GPR25: variants seen among roughly 807,000 people sequenced by gnomAD.
The protein encoded by GPR25 is G protein-coupled receptor 25, also known as C-X-C chemokine receptor GPR25.
For synonymous variants in GPR25, 280 were observed against 264.9 expected (o/e 1.06, Z -0.55); for missense variants, 501 against 503.0 (o/e 1.00, Z 0.04).
Position 200,873,133 on chromosome 1 carries a change from C to T in GPR25, c.96C>T (p.Ala32=), listed in dbSNP as rs1012857043. ...TGGAGGAGCTGGAGCTGTGTCCGGC[C>T]GGGGACCTGCCCTACGGCTACGTCT... ...DGLEELELCP[A]GDLPYGYVYI... The change falls in exon 1 of 1, where the codon GCC becomes GCT. Residue 32 remains alanine, a synonymous_variant. Transcript: ENST00000304244. 4 of 1,603,306 alleles carry T rather than the reference C, an allele frequency of 2.5e-6. No individual in the cohort carries two copies. The highest frequency in any genetic ancestry group is 1.7e-5 in the Admixed American group (1 of 59,614).
In GPR25 at chr1:200,873,070, G is replaced by T; in HGVS notation, c.33G>T (p.Pro11=). 1 of 1,568,016 alleles carries T rather than the reference G, an allele frequency of 6.4e-7. No individual in the cohort carries two copies. Among genetic ancestry groups the T allele is most frequent in the South Asian group, 1.2e-5 (1 of 85,916 alleles). Residue 11 remains proline (P), a synonymous_variant, in exon 1 of 1, where the codon CCG becomes CCT. Coordinates refer to ENST00000304244, the MANE Select transcript of GPR25 (RefSeq NM_005298.4). The part of the protein sequence containing the change: MAPTEPWSPS[P]GSAPWDYSGL... ...CCACAGAGCCCTGGAGCCCCAGCCC[G>T]GGGTCAGCGCCCTGGGACTACTCGG...
Position 200,873,188 on chromosome 1 carries a change from G to C in GPR25, c.151G>C (p.Ala51Pro). 6.2e-7 allele frequency: 1 copy of C among 1,606,388 alleles called. No homozygotes were observed. Among genetic ancestry groups the C allele is most frequent in the African/African-American group, 1.3e-5 (1 of 75,022 alleles). Residue 51 changes from alanine to proline, a missense_variant, in exon 1 of 1, where the codon GCC becomes CCC. By Grantham distance (27) the Ala-to-Pro change is conservative (BLOSUM62 -1). Coordinates refer to ENST00000304244, the MANE Select transcript of GPR25 (RefSeq NM_005298.4). ...CCCCGCGCTCTACCTGGCGGCCTTCGCCGTGGGCCTGCTGGGCAACGCCTT... is the reference window on the plus strand; with the variant it reads ...CCCCGCGCTCTACCTGGCGGCCTTCCCCGTGGGCCTGCTGGGCAACGCCTT... Reference protein sequence around the residue: ...YIPALYLAAFAVGLLGNAFVV... With the variant: ...YIPALYLAAFPVGLLGNAFVV...
chr1:200,873,537 C>A lies in GPR25; in HGVS notation c.500C>A (p.Ala167Glu). 2 of 1,560,560 alleles carry A rather than the reference C, an allele frequency of 1.3e-6. No individual in the cohort carries two copies. The highest frequency in any genetic ancestry group is 8.6e-7 in the Non-Finnish European group (1 of 1,161,446). ...LASCCGVWAVALLAGLPSLVY... is the reference protein window; with the variant it reads ...LASCCGVWAVELLAGLPSLVY... ...TCGTGCTGCGGCGTCTGGGCCGTGG[C>A]GCTGCTGGCCGGCCTGCCCTCCCTG... Residue 167 changes from alanine to glutamate, a missense_variant, in exon 1 of 1, where the codon GCG (alanine) becomes GAG (glutamate). By Grantham distance (107) the Ala-to-Glu change is moderately radical. Coordinates refer to ENST00000304244, the MANE Select transcript of GPR25 (RefSeq NM_005298.4).
Position 200,873,394 on chromosome 1 carries a change from G to GGCGGGCACGCGCTGC in GPR25, c.364_378dup (p.Thr122_Gly126dup). The GGCGGGCACGCGCTGC allele has an allele frequency of 2.0e-6, 3 of 1,493,550 alleles. No homozygotes were observed. Among genetic ancestry groups the GGCGGGCACGCGCTGC allele is most frequent in the Non-Finnish European group, 2.7e-6 (3 of 1,131,324 alleles). The allele number at this position is 1,493,550 out of a possible 1,614,324, so 92.5% of individuals were successfully genotyped here. ...TCTGCAAGCTCAGCAGCTTCGCGCT[G>GGCGGGCACGCGCTGC]GCGGGCACGCGCTGCGCGGGCGCGC... is the stretch of plus-strand genomic sequence containing the variant. On this transcript the variant is annotated inframe_insertion, in exon 1 of 1. Coordinates refer to ENST00000304244, the MANE Select transcript of GPR25 (RefSeq NM_005298.4).
At position 200,873,169 on chromosome 1, in the gene GPR25, G is replaced by A. The variant is rs1667993240; in HGVS notation, c.132G>A (p.Ala44=). The A allele has an allele frequency of 1.2e-6, 2 of 1,606,466 alleles. No homozygotes were observed. The highest frequency in any genetic ancestry group is 8.5e-7 in the Non-Finnish European group (1 of 1,179,160). The change falls in exon 1 of 1, where the codon GCG becomes GCA. Residue 44 remains alanine (A), a synonymous_variant. Transcript: ENST00000304244. ...CCTACGGCTACGTCTACATCCCCGC[G>A]CTCTACCTGGCGGCCTTCGCCGTGG... The part of the protein sequence containing the change: ...DLPYGYVYIP[A]LYLAAFAVGL...
Position 200,873,336 on chromosome 1 carries a change from C to G in GPR25, c.299C>G (p.Ala100Gly). ...LTLPLWAAAA[A>G]LGGRWPFGDG... is the part of the protein sequence containing the mutation. ...CTGCCGCTGTGGGCCGCGGCGGCGGCGCTAGGCGGCCGCTGGCCGTTCGGC... is the reference window on the plus strand; with the variant it reads ...CTGCCGCTGTGGGCCGCGGCGGCGGGGCTAGGCGGCCGCTGGCCGTTCGGC... Residue 100 changes from alanine (A) to glycine (G), a missense_variant, in exon 1 of 1, where the codon GCG becomes GGG. Physicochemically the swap from Ala to Gly is moderately conservative, Grantham distance 60. Coordinates refer to ENST00000304244, the MANE Select transcript of GPR25 (RefSeq NM_005298.4). The G allele has an allele frequency of 6.8e-7, 1 of 1,479,054 alleles. No individual in the cohort carries two copies. Among genetic ancestry groups the G allele is most frequent in the Non-Finnish European group, 8.9e-7 (1 of 1,125,586 alleles). 91.6% of individuals were successfully genotyped at this position (1,479,054 alleles called of 1,614,324 possible).
rs1206196986 is a variant in GPR25 at position 200,873,574 on chromosome 1, G to A, written c.537G>A (p.Gly179=). 1 of 1,581,928 alleles carries A rather than the reference G, an allele frequency of 6.3e-7. No homozygotes were observed. The highest frequency in any genetic ancestry group is 1.3e-5 in the African/African-American group (1 of 74,528). Residue 179 remains glycine (G), a synonymous_variant, in exon 1 of 1, where the codon GGG becomes GGA. Transcript: ENST00000304244. ...GCCTGCCCTCCCTGGTCTACCGGGG[G>A]TTGCAGCCCCTGCCTGGGGGCCAGG... ...LAGLPSLVYR[G]LQPLPGGQDS...
Position 200,873,158 on chromosome 1 carries a change from T to C in GPR25, c.121T>C (p.Tyr41His). Residue 41 changes from tyrosine to histidine, a missense_variant, in exon 1 of 1, where the codon TAC becomes CAC. Transcript: ENST00000304244. ...CGGGGACCTGCCCTACGGCTACGTC[T>C]ACATCCCCGCGCTCTACCTGGCGGC... is the stretch of plus-strand genomic sequence containing the variant. The part of the protein sequence containing the change: ...PAGDLPYGYV[Y>H]IPALYLAAFA... 1 of 1,606,680 alleles carries C rather than the reference T, an allele frequency of 6.2e-7. No individual in the cohort carries two copies. Among genetic ancestry groups the C allele is most frequent in the Non-Finnish European group, 8.5e-7 (1 of 1,179,214 alleles).
Position 200,874,066 on chromosome 1 carries a change from C to A in GPR25, c.1029C>A (p.Asp343Glu), listed in dbSNP as rs1468796779. The part of the protein sequence containing the change: ...ISSASSLSRD[D>E]SSVFRCRAQA... ...CAGCCTCCTCGCTCTCCAGGGACGA[C>A]AGTTCCGTGTTCCGTTGCCGGGCCC... is the stretch of plus-strand genomic sequence containing the variant. Residue 343 changes from aspartate (D) to glutamate (E), a missense_variant, in exon 1 of 1, where the codon GAC becomes GAA. Coordinates refer to ENST00000304244, the MANE Select transcript of GPR25 (RefSeq NM_005298.4). The A allele has an allele frequency of 6.2e-7, 1 of 1,604,416 alleles. No individual in the cohort carries two copies. The highest frequency in any genetic ancestry group is 8.5e-7 in the Non-Finnish European group (1 of 1,175,186).
At position 200,873,484 on chromosome 1, in the gene GPR25, A is replaced by C. The variant is rs555947735; in HGVS notation, c.447A>C (p.Pro149=). The C allele has an allele frequency of 6.4e-7, 1 of 1,564,444 alleles. No individual in the cohort carries two copies. Among genetic ancestry groups the C allele is most frequent in the East Asian group, 2.3e-5 (1 of 42,584 alleles). Residue 149 remains proline, a synonymous_variant, in exon 1 of 1, where the codon CCA becomes CCC. Transcript: ENST00000304244. ...TGGTGAAGCTGCTCGAGGCGAGGCCACTGCGCACCCCGCGCTGCGCGCTGG... is the reference window on the plus strand; with the variant it reads ...TGGTGAAGCTGCTCGAGGCGAGGCCCCTGCGCACCCCGCGCTGCGCGCTGG... ...LAVVKLLEAR[P]LRTPRCALAS... is the part of the protein sequence containing the mutation.
Position 200,873,331 on chromosome 1 carries a change from G to T in GPR25, c.294G>T (p.Ala98=), listed in dbSNP as rs762581931. The T allele has an allele frequency of 1.4e-6, 2 of 1,474,560 alleles. No individual in the cohort carries two copies. The highest frequency in any genetic ancestry group is 1.3e-5 in the South Asian group (1 of 74,844). The allele number at this position is 1,474,560 out of a possible 1,614,324, so 91.3% of individuals were successfully genotyped here. A position where few individuals can be genotyped will look rare whatever the true frequency, so the allele number is the denominator to read the frequency against. ...TCACGCTGCCGCTGTGGGCCGCGGC[G>T]GCGGCGCTAGGCGGCCGCTGGCCGT... The part of the protein sequence containing the change: ...FVLTLPLWAA[A]AALGGRWPFG... The change falls in exon 1 of 1, where the codon GCG becomes GCT. Residue 98 remains alanine (A), a synonymous_variant. Coordinates refer to ENST00000304244, the MANE Select transcript of GPR25 (RefSeq NM_005298.4).
Position 200,873,602 on chromosome 1 carries a change from A to G in GPR25, c.565A>G (p.Ser189Gly). The change falls in exon 1 of 1, where the codon AGC (serine) becomes GGC (glycine). Residue 189 changes from serine (S) to glycine (G), a missense_variant. Physicochemically the swap from Ser to Gly is moderately conservative, Grantham distance 56. Coordinates refer to ENST00000304244, the MANE Select transcript of GPR25 (RefSeq NM_005298.4). ...GLQPLPGGQD[S>G]QCGEEPSHAF... ...GCAGCCCCTGCCTGGGGGCCAGGACAGCCAGTGCGGCGAGGAGCCCTCCCA... is the reference window on the plus strand; with the variant it reads ...GCAGCCCCTGCCTGGGGGCCAGGACGGCCAGTGCGGCGAGGAGCCCTCCCA... 1 of 1,593,494 alleles carries G rather than the reference A, an allele frequency of 6.3e-7. No individual in the cohort carries two copies. The highest frequency in any genetic ancestry group is 8.5e-7 in the Non-Finnish European group (1 of 1,177,898).
Position 200,873,469 on chromosome 1 carries a change from G to A in GPR25, c.432G>A (p.Leu144=). 6.4e-7 allele frequency: 1 copy of A among 1,562,870 alleles called. No homozygotes were observed. Among genetic ancestry groups the A allele is most frequent in the Non-Finnish European group, 8.6e-7 (1 of 1,163,496 alleles). The part of the protein sequence containing the change: ...SVDRYLAVVK[L]LEARPLRTPR... The stretch of plus-strand genomic sequence containing the variant: ...ACCGCTACCTGGCCGTGGTGAAGCT[G>A]CTCGAGGCGAGGCCACTGCGCACCC... The change falls in exon 1 of 1, where the codon CTG becomes CTA. Residue 144 remains leucine (L), a synonymous_variant. Transcript: ENST00000304244.
In GPR25 at chr1:200,873,960, T is replaced by A. The variant is rs1264332406; in HGVS notation, c.923T>A (p.Leu308His). 6.2e-7 allele frequency: 1 copy of A among 1,612,120 alleles called. No homozygotes were observed. The highest frequency in any genetic ancestry group is 8.5e-7 in the Non-Finnish European group (1 of 1,179,528). The change falls in exon 1 of 1, where the codon CTC (leucine) becomes CAC (histidine). Residue 308 changes from leucine to histidine, a missense_variant. Transcript: ENST00000304244. The stretch of plus-strand genomic sequence containing the variant: ...AGCTGCGCCAACCCGCTCATCTACC[T>A]CCTGCTGGACCGCTCATTCCGAGCC... ...VNSCANPLIY[L>H]LLDRSFRARA... is the part of the protein sequence containing the mutation.
Position 200,874,095 on chromosome 1 carries a change from C to A in GPR25, c.1058C>A (p.Ala353Asp). 2 of 1,575,714 alleles carry A rather than the reference C, an allele frequency of 1.3e-6. No homozygotes were observed. The highest frequency in any genetic ancestry group is 2.3e-5 in the South Asian group (2 of 87,338). The change falls in exon 1 of 1, where the codon GCC becomes GAC. Residue 353 changes from alanine to aspartate, a missense_variant. By Grantham distance (126) the Ala-to-Asp change is moderately radical. Transcript: ENST00000304244. ...DSSVFRCRAQ[A>D]ANTASASW Reference sequence around the variant, plus strand: ...TCCGTGTTCCGTTGCCGGGCCCAGGCCGCGAACACTGCCTCGGCCTCCTGG... The same window carrying A: ...TCCGTGTTCCGTTGCCGGGCCCAGGACGCGAACACTGCCTCGGCCTCCTGG...
rs1318276048 is a variant in GPR25 at position 200,873,270 on chromosome 1, T to C, written c.233T>C (p.Val78Ala). ...RGPRRLVDTF[V>A]LHLAAADLGF... ...CCGCGGCGGCTGGTGGATACCTTCG[T>C]GCTGCACCTGGCGGCAGCTGACCTG... The change falls in exon 1 of 1, where the codon GTG becomes GCG. Residue 78 changes from valine to alanine, a missense_variant. Coordinates refer to ENST00000304244, the MANE Select transcript of GPR25 (RefSeq NM_005298.4). 2.6e-6 allele frequency: 4 copies of C among 1,560,580 alleles called. No individual in the cohort carries two copies. Among genetic ancestry groups the C allele is most frequent in the Non-Finnish European group, 3.5e-6 (4 of 1,157,906 alleles).
rs769917048 is a variant in GPR25, at chr1:200,874,149, G to A, written c.*26G>A. ...CTGCCCCGGGCCGCTGGAGGTGGGCGGCAGCGGAGCATCGAGAGGAGGCCA... is the reference window on the plus strand; with the variant it reads ...CTGCCCCGGGCCGCTGGAGGTGGGCAGCAGCGGAGCATCGAGAGGAGGCCA... On this transcript the variant is annotated 3_prime_UTR_variant, in exon 1 of 1. Transcript: ENST00000304244. 3.3e-6 allele frequency: 5 copies of A among 1,498,092 alleles called. No individual in the cohort carries two copies. The African/African-American group carries it at 6.9e-5, about 21-fold the overall frequency. The allele number at this position is 1,498,092 out of a possible 1,614,324, so 92.8% of individuals were successfully genotyped here. A position where few individuals can be genotyped will look rare whatever the true frequency, so the allele number is the denominator to read the frequency against.
chr1:200,874,096 C>A lies in GPR25; in HGVS notation c.1059C>A (p.Ala353=). ...CCGTGTTCCGTTGCCGGGCCCAGGC[C>A]GCGAACACTGCCTCGGCCTCCTGGT... The part of the protein sequence containing the change: ...DSSVFRCRAQ[A]ANTASASW Residue 353 remains alanine (A), a synonymous_variant, in exon 1 of 1, where the codon GCC becomes GCA. Coordinates refer to ENST00000304244, the MANE Select transcript of GPR25 (RefSeq NM_005298.4). The A allele has an allele frequency of 6.4e-7, 1 of 1,574,700 alleles. No homozygotes were observed. Among genetic ancestry groups the A allele is most frequent in the Non-Finnish European group, 8.6e-7 (1 of 1,157,246 alleles).
In GPR25 at chr1:200,873,010, C is replaced by T. The variant is rs1476678075; in HGVS notation, c.-28C>T. ...CTGCTGCCGCCTGCGCCCAGGGCTG[C>T]ACTCCGCGCAGGCCTCATAGCCAGG... is the stretch of plus-strand genomic sequence containing the variant. On this transcript the variant is annotated 5_prime_UTR_variant, in exon 1 of 1. Coordinates refer to ENST00000304244, the MANE Select transcript of GPR25 (RefSeq NM_005298.4). The T allele has an allele frequency of 6.1e-6, 9 of 1,485,278 alleles. No homozygotes were observed. The highest frequency in any genetic ancestry group is 2.3e-4 in the Middle Eastern group (1 of 4,434). 92.0% of individuals were successfully genotyped at this position (1,485,278 alleles called of 1,614,324 possible).
Sources: gnomAD v4.1 joint callset for allele counts on GRCh38, gnomAD v4.1.1 for gene constraint, MANE v1.5 for transcripts, NCBI Gene and HGNC (gene_info 2026-07-23, HGNC 2026-07-21) for gene names.